The following IGSF11 variants were observed in gnomAD, a reference collection of about 807,000 sequenced individuals.
IGSF11 encodes the protein immunoglobulin superfamily member 11.
IGSF11 carries 22 observed loss-of-function variants against 41.0 expected under a neutral mutation model. The ratio of observed to expected loss-of-function variants is 0.54; its 90% CI spans 0.38 to 0.77. The LOEUF (loss-of-function observed/expected upper bound fraction) is 0.77. Among genes scored for constraint, IGSF11 ranks in the 30% least tolerant of loss-of-function variants. The pLI is 0.00. For missense variants in IGSF11, 444 were observed against 530.8 expected (o/e 0.84, Z 1.61); for synonymous variants, 219 against 201.3 (o/e 1.09, Z -0.74).
chr3:119,116,955 C>A (rs559240757), intron 1 of IGSF11, among the ~76,000 whole-genome samples: 1 of 152,192 alleles, frequency 6.6e-6, no homozygotes, highest in South Asian at 2.1e-4. Context: ...AGCCAATCAG[C>A]AGCAAGCACC....
intron 1 of IGSF11, among the ~76,000 whole-genome samples, chr3:119,090,728 A>T (rs868581800): frequency 2.6e-5 from 4 of 152,362 alleles, no homozygotes; most frequent in Middle Eastern, 3.4e-3. Context: ...ATATACAAAA[A>T]TTAATTCAAA....
At position 118,942,774 on chromosome 3, in the gene IGSF11, C is replaced by A. The variant is rs567103604; in HGVS notation, c.53-12499G>T. On this transcript the variant is annotated intron_variant, in intron 1 of 6. Transcript: ENST00000393775. Reference sequence around the variant, plus strand: ...TTGTCTGTGTATTCCTTTATCTTGTCGGCTTTGCAGGGTGAAAAGATGAAA... The same window carrying A: ...TTGTCTGTGTATTCCTTTATCTTGTAGGCTTTGCAGGGTGAAAAGATGAAA... Among the ~76,000 whole-genome samples, 16 of 152,302 alleles carry A rather than the reference C, an allele frequency of 1.1e-4. No homozygotes were observed. The South Asian group carries it at 1.7e-3, about 16-fold the overall frequency.
chr3:118,998,906 A>G (rs932268288), intron 1 of IGSF11, among the ~76,000 whole-genome samples: 6 of 152,176 alleles, frequency 3.9e-5, no homozygotes, highest in East Asian at 1.9e-4. Flanking sequence ...TATAATAGTA[A>G]AACAGTGGAA....
chr3:119,092,002 G>T lies in IGSF11; in HGVS notation c.49+13142C>A, dbSNP rs200245370. ...TGGTTTTTGGTTTTTTTGGGGGGGG[G>T]GGGTTGGTGGTTTTTTCTTTTGTTT... On this transcript the variant is annotated intron_variant, in intron 1 of 6. Coordinates refer to the IGSF11 transcript ENST00000354673. Among the ~76,000 whole-genome samples, 8 of 146,750 alleles carry T rather than the reference G, an allele frequency of 5.5e-5. No individual in the cohort carries two copies. The South Asian group carries it at 6.6e-4, about 12-fold the overall frequency.
chr3:118,996,087 A>G (rs910322030), intron 1 of IGSF11, among the ~76,000 whole-genome samples: 6 of 152,176 alleles, frequency 3.9e-5, no homozygotes, highest in African/African-American at 1.4e-4. Context: ...CATGGACAGC[A>G]AGCAGGTTAT....
chr3:118,938,589 C>T (rs1242572897), intron 1 of IGSF11, among the ~76,000 whole-genome samples: 4 of 152,248 alleles, frequency 2.6e-5, no homozygotes, highest in Non-Finnish European at 5.9e-5. Flanking sequence ...ATTGCTACCA[C>T]ACTCAAAACT....
chr3:119,055,554 C>T (rs555575504), intron 1 of IGSF11, among the ~76,000 whole-genome samples: 4 of 152,282 alleles, frequency 2.6e-5, no homozygotes, highest in South Asian at 2.1e-4. Flanking sequence ...CAACATTAGA[C>T]AGAACAACGA....
At chr3:118,960,760 A>T (rs1023643268) in intron 1 of IGSF11, among the ~76,000 whole-genome samples, 3 of 152,174 alleles carry the variant, frequency 2.0e-5, no homozygotes, top group African/African-American at 7.2e-5. Context: ...CTACAAATCT[A>T]TTTTTTGGCA....
intron 4 of IGSF11, among the ~76,000 whole-genome samples, chr3:118,924,381 T>C (rs1942104782): frequency 1.3e-5 from 2 of 152,148 alleles, no homozygotes; most frequent in Admixed American, 1.3e-4. Context: ...GTAAATCTTC[T>C]GAAAAAAATC....
chr3:118,927,869 T>C (rs1446633734), intron 3 of IGSF11, among the ~76,000 whole-genome samples: 2 of 152,156 alleles, frequency 1.3e-5, no homozygotes, highest in Admixed American at 1.3e-4. Context: ...TCTAACAACA[T>C]GGTGTAATGG....
Position 118,902,498 on chromosome 3 carries a change from G to A in IGSF11, c.*22C>T, listed in dbSNP as rs766982555. On this transcript the variant is annotated 3_prime_UTR_variant, in exon 7 of 7. Transcript: ENST00000393775. ...GAGGGCATTCCATTTATTCATTTCT[G>A]AACACAACATTTCCTCATGTCCTAT... The A allele has an allele frequency of 8.7e-5, 95 of 1,096,166 alleles. No individual in the cohort carries two copies. Among genetic ancestry groups the A allele is most frequent in the Non-Finnish European group, 1.1e-4 (90 of 811,490 alleles). The allele number at this position is 1,096,166 out of a possible 1,614,324, so 67.9% of individuals were successfully genotyped here.
intron 6 of IGSF11, 83 bp downstream of exon 6, chr3:118,904,565 A>G: frequency 1.9e-5 from 19 of 976,988 alleles, no homozygotes; most frequent in Non-Finnish European, 3.0e-5. Context: ...TTTTATGATT[A>G]GTAGATATAT....
chr3:119,021,509 C>T (rs531531395), intron 1 of IGSF11, among the ~76,000 whole-genome samples: 2 of 152,082 alleles, frequency 1.3e-5, no homozygotes, highest in South Asian at 2.1e-4. Context: ...ATTGATCACT[C>T]ACCATATGTA....
At chr3:119,049,344 T>C (rs1576729269) in intron 1 of IGSF11, among the ~76,000 whole-genome samples, 1 of 151,940 alleles carries the variant, frequency 6.6e-6, no homozygotes, top group South Asian at 2.1e-4. Context: ...AGCATTCCTA[T>C]ACACCAATAA....
At chr3:118,966,731 G>A (rs920645299) in intron 1 of IGSF11, among the ~76,000 whole-genome samples, 5 of 152,174 alleles carry the variant, frequency 3.3e-5, no homozygotes, top group African/African-American at 9.7e-5. Context: ...TAAGGGTTAG[G>A]TTTGGATTTA....
intron 4 of IGSF11, among the ~76,000 whole-genome samples, chr3:118,905,937 G>T (rs573758464): frequency 1.3e-5 from 2 of 152,218 alleles, no homozygotes; most frequent in Admixed American, 1.3e-4. Flanking sequence ...TCCTAAATCA[G>T]AACAATCTTA....
intron 1 of IGSF11, among the ~76,000 whole-genome samples, chr3:118,960,475 C>A (rs974612926): frequency 3.9e-5 from 6 of 152,132 alleles, no homozygotes; most frequent in Non-Finnish European, 1.5e-5. Context: ...TTATCATATA[C>A]GTATGTATAA....
exon 1 of IGSF11, chr3:119,145,918 G>A: frequency 2.5e-6 from 1 of 398,720 alleles, no homozygotes; most frequent in African/African-American, 2.0e-5. Context: ...TGGTTGCTCG[G>A]CAGGGTGAGG....
intron 1 of IGSF11, among the ~76,000 whole-genome samples, chr3:119,040,025 C>T (rs540250005): frequency 2.0e-5 from 3 of 152,298 alleles, no homozygotes; most frequent in East Asian, 3.9e-4. Context: ...CTTCTTCTTG[C>T]CTGGGGACTA....
Sources: allele counts gnomAD v4.1 joint callset (sites outside exome capture counted in the v4.1 genomes callset), GRCh38; gene constraint gnomAD v4.1.1; transcripts MANE v1.5; gene names NCBI Gene and HGNC (gene_info 2026-07-23, HGNC 2026-07-21).